NRG1: variants seen among roughly 807,000 people sequenced by gnomAD.
NRG1 encodes pro-neuregulin-1, membrane-bound isoform.
Under a neutral mutation model 63.8 loss-of-function variants are expected in NRG1, and 18 were observed. That is an observed-to-expected ratio of 0.28 (90% CI 0.19 to 0.42). NRG1 has a LOEUF of 0.42. Ranked by LOEUF, NRG1 falls within the 10% of genes least tolerant of loss-of-function variation. The probability of loss-of-function intolerance (pLI) is 1.00; values close to 1 mark genes in which losing one functional copy is unlikely to be tolerated. For missense variants in NRG1, 762 were observed against 814.7 expected (o/e 0.94, Z 0.79); for synonymous variants, 302 against 301.3 (o/e 1.00, Z -0.02).
At chr8:32,021,939 C>T (rs965449696) in intron 1 of NRG1, among the ~76,000 whole-genome samples, 1 of 151,816 alleles carries the variant, frequency 6.6e-6, no homozygotes, top group East Asian at 1.9e-4. Flanking sequence ...GCCAGATATC[C>T]ATAGTTATCA....
At chr8:32,700,017 A>G (rs897340451) in intron 5 of NRG1, among the ~76,000 whole-genome samples, 2 of 152,046 alleles carry the variant, frequency 1.3e-5, no homozygotes, top group Non-Finnish European at 2.9e-5. Flanking sequence ...ACTCATTACC[A>G]CTATCTAACT....
At chr8:31,794,080 A>G (rs1181118134) in intron 1 of NRG1, among the ~76,000 whole-genome samples, 1 of 152,252 alleles carries the variant, frequency 6.6e-6, no homozygotes. Context: ...GTAAAACCAT[A>G]AAGAAGAAAA....
chr8:32,644,733 A>G (rs1265832617), intron 5 of NRG1, among the ~76,000 whole-genome samples: 1 of 151,976 alleles, frequency 6.6e-6, no homozygotes, highest in Non-Finnish European at 1.5e-5. Flanking sequence ...TAGTCTTTGT[A>G]TAAAATGTTG....
chr8:32,405,242 G>C (rs1224430364), intron 1 of NRG1, among the ~76,000 whole-genome samples: 1 of 152,134 alleles, frequency 6.6e-6, no homozygotes, highest in East Asian at 1.9e-4. Context: ...TTGTTCTTAG[G>C]TCACTTCTTT....
intron 1 of NRG1, among the ~76,000 whole-genome samples, chr8:32,428,356 C>A (rs200571400): frequency 3.3e-5 from 3 of 92,148 alleles, no homozygotes; most frequent in African/African-American, 1.2e-4. Flanking sequence ...TTTTTTTTTT[C>A]TTCCTTACAG....
At chr8:32,650,603 T>C (rs78935137) in intron 5 of NRG1, among the ~76,000 whole-genome samples, 5,996 of 138,224 alleles carry the variant, frequency 0.043, 406 homozygotes, top group African/African-American at 0.15. Context: ...GACTTGTAAG[T>C]GGTTGTTTTT....
At chr8:32,142,778 T>C (rs1233084225) in intron 1 of NRG1, among the ~76,000 whole-genome samples, 4 of 152,176 alleles carry the variant, frequency 2.6e-5, no homozygotes, top group Non-Finnish European at 5.9e-5. Flanking sequence ...GACAAAGAAA[T>C]AAATGTTTTA....
chr8:31,704,421 G>T (rs2131208591), intron 1 of NRG1, among the ~76,000 whole-genome samples: 1 of 152,232 alleles, frequency 6.6e-6, no homozygotes, highest in South Asian at 2.1e-4. Flanking sequence ...TGTATTAAAT[G>T]GACCCAGGCT....
chr8:32,544,593 C>T (rs905577853), upstream of NRG1, among the ~76,000 whole-genome samples: 1 of 151,290 alleles, frequency 6.6e-6, no homozygotes, highest in Non-Finnish European at 1.5e-5. Flanking sequence ...GCCTCAACCT[C>T]CCAGGGCTCA....
intron 5 of NRG1, among the ~76,000 whole-genome samples, chr8:32,687,360 T>C (rs1175070763): frequency 6.6e-6 from 1 of 152,144 alleles, no homozygotes; most frequent in Non-Finnish European, 1.5e-5. Context: ...CTGAAGTGGG[T>C]ATGTGCATTG....
intron 1 of NRG1, among the ~76,000 whole-genome samples, chr8:31,973,789 C>A (rs542023239): frequency 9.2e-5 from 14 of 152,092 alleles, no homozygotes; most frequent in Non-Finnish European, 1.9e-4. Context: ...GTGGATAGAC[C>A]AAATTGTCTT....
chr8:32,157,049 CG>C, intron 1 of NRG1, among the ~76,000 whole-genome samples: 1 of 140,918 alleles, frequency 7.1e-6, no homozygotes, highest in East Asian at 2.2e-4. Flanking sequence ...AATTAAAACT[CG>C]TGTGTGTGTG....
At chr8:32,308,438 A>C (rs73580344) in intron 1 of NRG1, among the ~76,000 whole-genome samples, 8,311 of 152,226 alleles carry the variant, frequency 0.055, 577 homozygotes, top group African/African-American at 0.16. Context: ...TTATTCATAC[A>C]TTCTCTGATC....
At chr8:32,699,340 T>C (rs1477304013) in intron 5 of NRG1, among the ~76,000 whole-genome samples, 1 of 152,222 alleles carries the variant, frequency 6.6e-6, no homozygotes, top group Non-Finnish European at 1.5e-5. Context: ...TTGGTATGGC[T>C]GTAGTGGCAC....
At chr8:31,802,669 A>C (rs932400292) in intron 1 of NRG1, among the ~76,000 whole-genome samples, 1 of 152,142 alleles carries the variant, frequency 6.6e-6, no homozygotes, top group Non-Finnish European at 1.5e-5. Flanking sequence ...TTCTATTCTC[A>C]ATGCTTGTGT....
intron 1 of NRG1, among the ~76,000 whole-genome samples, chr8:32,432,584 A>T (rs1818282481): frequency 6.6e-6 from 1 of 152,132 alleles, no homozygotes; most frequent in Non-Finnish European, 1.5e-5. Flanking sequence ...CTCTCAGCTC[A>T]CTGCAACCTC....
rs117337005 is a variant in NRG1 at position 32,011,404 on chromosome 8, G to A, written c.37+371973G>A. Among the ~76,000 whole-genome samples the A allele has an allele frequency of 8.3e-3, 1,264 of 152,104 alleles. 26 individuals are homozygous for A. The South Asian group carries it at 0.084, about 10-fold the overall frequency. Reference sequence around the variant, plus strand: ...CAGCAGCAGCCTTTACGTATCCCACGATTAACACTTCAACCTCCAGCCCAT... The same window carrying A: ...CAGCAGCAGCCTTTACGTATCCCACAATTAACACTTCAACCTCCAGCCCAT... On this transcript the variant is annotated intron_variant, in intron 1 of 10. Coordinates refer to the NRG1 transcript ENST00000519301.
At chr8:31,787,433 T>C (rs1032387054) in intron 1 of NRG1, among the ~76,000 whole-genome samples, 2 of 152,274 alleles carry the variant, frequency 1.3e-5, no homozygotes, top group Admixed American at 1.3e-4. Context: ...GGTTGGATTG[T>C]ACTGACTTTG....
intron 1 of NRG1, among the ~76,000 whole-genome samples, chr8:32,288,235 A>G (rs537097824): frequency 6.6e-6 from 1 of 152,306 alleles, no homozygotes; most frequent in South Asian, 2.1e-4. Context: ...ATCAATTATA[A>G]GAGTGATTAG....
Sources: gnomAD v4.1 joint callset for allele counts (sites outside exome capture counted in the v4.1 genomes callset) on GRCh38, gnomAD v4.1.1 for gene constraint, MANE v1.5 for transcripts, NCBI Gene and HGNC (gene_info 2026-07-23, HGNC 2026-07-21) for gene names.